SVEP1: variants seen among roughly 807,000 people sequenced by gnomAD.
The protein encoded by SVEP1 is sushi, von Willebrand factor type A, EGF and pentraxin domain containing 1.
SVEP1 carries 164 observed loss-of-function variants against 367.3 expected under a neutral mutation model. The observed-to-expected ratio is 0.45, with a 90% CI of 0.39 to 0.51. The LOEUF (loss-of-function observed/expected upper bound fraction) is 0.51, where lower values mean the gene tolerates loss of function less well. SVEP1 is among the 20% of genes least tolerant of loss of function. The pLI is 0.00. For synonymous variants in SVEP1, 1,666 were observed against 1,611.6 expected (o/e 1.03, Z -0.81); for missense variants, 4,117 against 4,425.3 (o/e 0.93, Z 1.98).
Position 110,406,276 on chromosome 9 carries a change from C to T in SVEP1, c.9324G>A (p.Gly3108=). The change falls in exon 38 of 48, where the codon GGG becomes GGA. Residue 3108 remains glycine, a synonymous_variant. Transcript: ENST00000374469. ...GSSDLICTEK[G]VWSQPYPVCE... is the part of the protein sequence containing the mutation. ...AGACTGGATAAGGCTGGCTCCATAC[C>T]CCTTTCTCTGTACAAATCAGATCTG... is the stretch of plus-strand genomic sequence containing the variant. 1 of 1,614,030 alleles carries T rather than the reference C, an allele frequency of 6.2e-7. No individual in the cohort carries two copies. Among genetic ancestry groups the T allele is most frequent in the Non-Finnish European group, 8.5e-7 (1 of 1,179,892 alleles).
At chr9:110,560,827 G>A (rs1455139595) in intron 1 of SVEP1, among the ~76,000 whole-genome samples, 1 of 152,138 alleles carries the variant, frequency 6.6e-6, no homozygotes, top group African/African-American at 2.4e-5. Context: ...AATCGCCCCA[G>A]CCATGGTTCA....
At chr9:110,424,243 C>A (rs1828218096) in intron 36 of SVEP1, among the ~76,000 whole-genome samples, 1 of 152,124 alleles carries the variant, frequency 6.6e-6, no homozygotes, top group Non-Finnish European at 1.5e-5. Flanking sequence ...TAAATTAACC[C>A]TCTACCAGTA....
At chr9:110,564,622 C>T (rs1157664517) in intron 1 of SVEP1, among the ~76,000 whole-genome samples, 1 of 152,068 alleles carries the variant, frequency 6.6e-6, no homozygotes, top group Non-Finnish European at 1.5e-5. Context: ...CATTTATTAG[C>T]ATTCCAAATA....
chr9:110,374,823 C>G (rs1827324696), intron 46 of SVEP1, among the ~76,000 whole-genome samples: 1 of 152,184 alleles, frequency 6.6e-6, no homozygotes, highest in Admixed American at 6.5e-5. Flanking sequence ...AATCCCATTA[C>G]TGGGTATATA....
intron 40 of SVEP1, among the ~76,000 whole-genome samples, chr9:110,390,734 C>T (rs535149856): frequency 6.6e-6 from 1 of 152,180 alleles, no homozygotes; most frequent in South Asian, 2.1e-4. Flanking sequence ...AAGGGTACTG[C>T]TGCCCCAGAC....
intron 37 of SVEP1, among the ~76,000 whole-genome samples, chr9:110,409,544 G>A (rs1005194027): frequency 1.3e-5 from 2 of 152,150 alleles, no homozygotes; most frequent in South Asian, 4.1e-4. Flanking sequence ...ATTGATTGGT[G>A]AACTGATGAG....
chr9:110,474,832 G>A (rs973110760), intron 14 of SVEP1, among the ~76,000 whole-genome samples: 13 of 151,964 alleles, frequency 8.6e-5, no homozygotes, highest in African/African-American at 2.7e-4. Flanking sequence ...TAAACTGATC[G>A]ATGGGATAAT....
At chr9:110,445,602 G>A (rs550360986) in intron 26 of SVEP1, among the ~76,000 whole-genome samples, 46 of 152,272 alleles carry the variant, frequency 3.0e-4, no homozygotes, top group Middle Eastern at 3.4e-3. Flanking sequence ...ATCAGATGAA[G>A]TAATACATAT....
chr9:110,516,736 G>C (rs2118784046), intron 3 of SVEP1, among the ~76,000 whole-genome samples: 1 of 152,226 alleles, frequency 6.6e-6, no homozygotes, highest in East Asian at 1.9e-4. Flanking sequence ...CCAGTAAAAA[G>C]AAGCCATATA....
chr9:110,512,495 G>A lies in SVEP1; in HGVS notation c.1303+431C>T, dbSNP rs139796890. On this transcript the variant is annotated intron_variant, in intron 5 of 47. Coordinates refer to ENST00000374469, the MANE Select transcript of SVEP1 (RefSeq NM_153366.4). ...TGACAAATTCTCTACTTTCTATAAC[G>A]GGTCGACTAGCCGAAGTAAAGGCTG... Among the ~76,000 whole-genome samples, 31 of 151,934 alleles carry A rather than the reference G, an allele frequency of 2.0e-4. No individual in the cohort carries two copies. The East Asian group carries it at 4.4e-3, about 22-fold the overall frequency.
chr9:110,549,105 C>T (rs188856061), intron 2 of SVEP1, among the ~76,000 whole-genome samples: 1 of 152,244 alleles, frequency 6.6e-6, no homozygotes, highest in Admixed American at 6.5e-5. Flanking sequence ...GCCTAATTTG[C>T]CATATCACTT....
chr9:110,431,955 T>C lies in SVEP1; in HGVS notation c.5313A>G (p.Ser1771=). The change falls in exon 32 of 48, where the codon TCA becomes TCG. Residue 1771 remains serine, a synonymous_variant. Coordinates refer to ENST00000374469, the MANE Select transcript of SVEP1 (RefSeq NM_153366.4). ...CLNVDGSYIC[S]CVPPYTGDGK... is the part of the protein sequence containing the mutation. ...CATCTCCTGTGTACGGTGGGACACA[T>C]GAACATATGTAGGATCCATCTACGT... 6.2e-7 allele frequency: 1 copy of C among 1,613,710 alleles called. No individual in the cohort carries two copies. Among genetic ancestry groups the C allele is most frequent in the Non-Finnish European group, 8.5e-7 (1 of 1,179,696 alleles).
At chr9:110,496,266 A>G (rs1265082414) in intron 8 of SVEP1, among the ~76,000 whole-genome samples, 1 of 152,162 alleles carries the variant, frequency 6.6e-6, no homozygotes, top group African/African-American at 2.4e-5. Flanking sequence ...GTTGCCAAAG[A>G]TTAACATTTG....
chr9:110,429,075 A>T lies in SVEP1; in HGVS notation c.5807+68T>A, dbSNP rs1337221830. 3 of 1,339,582 alleles carry T rather than the reference A, an allele frequency of 2.2e-6. No individual in the cohort carries two copies. The East Asian group carries it at 7.7e-5, about 34-fold the overall frequency. 83.0% of individuals were successfully genotyped at this position (1,339,582 alleles called of 1,614,324 possible). ...CACAGTGAGACCATGTCTCAAAAAAATTAAAATAAAATAGGGAGCGAGTAA... is the reference window on the plus strand; with the variant it reads ...CACAGTGAGACCATGTCTCAAAAAATTTAAAATAAAATAGGGAGCGAGTAA... On this transcript the variant is annotated intron_variant, in intron 35 of 47. Transcript: ENST00000374469.
At chr9:110,401,098 A>C (rs541998881) in intron 39 of SVEP1, 89 bp from the exon 40 acceptor site, 3 of 1,495,068 alleles carry the variant, frequency 2.0e-6, no homozygotes, top group African/African-American at 2.8e-5. Flanking sequence ...TTTGCAGAAT[A>C]ATCTCCAAAA....
chr9:110,477,959 TCAA>T (rs1829123214), intron 13 of SVEP1, among the ~76,000 whole-genome samples: 1 of 152,160 alleles, frequency 6.6e-6, no homozygotes, highest in Non-Finnish European at 1.5e-5. Context: ...ATAGTGACTT[TCAA>T]GGCTCTCCAC....
intron 24 of SVEP1, 79 bp from the exon 25 acceptor site, chr9:110,447,136 CTT>C (rs1366214394): frequency 2.9e-5 from 36 of 1,261,748 alleles, no homozygotes; most frequent in Non-Finnish European, 3.6e-5. Flanking sequence ...TCTCGAAAGA[CTT>C]TGAAAATTGA....
At chr9:110,460,040 A>T (rs984642226) in intron 18 of SVEP1, among the ~76,000 whole-genome samples, 24 of 152,160 alleles carry the variant, frequency 1.6e-4, no homozygotes, top group Middle Eastern at 6.8e-3. Flanking sequence ...ACTCCTCCTT[A>T]TTTAATACTA....
chr9:110,401,086 T>G, intron 39 of SVEP1, 77 bp from the exon 40 acceptor site: 1 of 1,545,474 alleles, frequency 6.5e-7, no homozygotes, highest in Middle Eastern at 1.7e-4. Flanking sequence ...AAATATTGGT[T>G]ATTTGCAGAA....
Sources: allele counts gnomAD v4.1 joint callset (sites outside exome capture counted in the v4.1 genomes callset), GRCh38; gene constraint gnomAD v4.1.1; transcripts MANE v1.5; gene names NCBI Gene and HGNC (gene_info 2026-07-23, HGNC 2026-07-21).